MGMT: variants seen among roughly 807,000 people sequenced by gnomAD.
MGMT encodes O-6-methylguanine-DNA methyltransferase, also known as methylated-DNA--protein-cysteine methyltransferase.
A neutral mutation model predicts 15.9 loss-of-function variants in MGMT; 14 were observed. The ratio of observed to expected loss-of-function variants is 0.88; its 90% CI spans 0.58 to 1.37. MGMT has a LOEUF of 1.37. MGMT is among the 40% of genes most tolerant of loss of function. The pLI, the probability that MGMT is intolerant of heterozygous loss-of-function variation, is 0.00. For synonymous variants in MGMT, 130 were observed against 118.2 expected (o/e 1.10, Z -0.65); for missense variants, 282 against 268.1 (o/e 1.05, Z -0.36).
At chr10:129,709,952 C>G (rs538165774) in intron 3 of MGMT, among the ~76,000 whole-genome samples, 90 of 152,336 alleles carry the variant, frequency 5.9e-4, no homozygotes, top group African/African-American at 1.9e-3. Flanking sequence ...CAAACCACCC[C>G]TGCAAGCACT....
chr10:129,760,642 C>T (rs989283701), intron 4 of MGMT, among the ~76,000 whole-genome samples: 11 of 152,222 alleles, frequency 7.2e-5, no homozygotes, highest in Admixed American at 2.6e-4. Flanking sequence ...TAGGAGATGA[C>T]AGTTACGTAG....
intron 1 of MGMT, among the ~76,000 whole-genome samples, chr10:129,519,984 C>T (rs1339744135): frequency 2.0e-5 from 3 of 152,044 alleles, no homozygotes; most frequent in Non-Finnish European, 2.9e-5. Context: ...GCCTGGGCAA[C>T]ATAGCAAGAC....
At chr10:129,509,978 T>C (rs765095351) in intron 1 of MGMT, among the ~76,000 whole-genome samples, 1 of 152,042 alleles carries the variant, frequency 6.6e-6, no homozygotes, top group Non-Finnish European at 1.5e-5. Context: ...TAAGGCCAGA[T>C]TGGAGGTGGG....
intron 2 of MGMT, among the ~76,000 whole-genome samples, chr10:129,607,105 T>C (rs1846900610): frequency 2.6e-5 from 4 of 152,298 alleles, no homozygotes; most frequent in Admixed American, 2.0e-4. Flanking sequence ...GAGATGGCTT[T>C]GACTTTTGTT....
At chr10:129,669,919 T>C (rs1246884828) in intron 2 of MGMT, among the ~76,000 whole-genome samples, 1 of 152,232 alleles carries the variant, frequency 6.6e-6, no homozygotes, top group Non-Finnish European at 1.5e-5. Context: ...TACAAAGCTA[T>C]TTAATGTTTG....
At chr10:129,649,678 C>T (rs951818054) in intron 2 of MGMT, among the ~76,000 whole-genome samples, 10 of 152,064 alleles carry the variant, frequency 6.6e-5, no homozygotes, top group African/African-American at 2.4e-4. Context: ...CTACAGGGCC[C>T]AAAGTTATAA....
intron 2 of MGMT, among the ~76,000 whole-genome samples, chr10:129,702,535 T>A (rs892659): frequency 0.8 from 121,973 of 151,972 alleles, 49,199 homozygotes; most frequent in African/African-American, 0.89. Context: ...TGTCTCCTGC[T>A]GGGTTCAAGG....
intron 2 of MGMT, among the ~76,000 whole-genome samples, chr10:129,597,618 T>G (rs1483321069): frequency 6.6e-6 from 1 of 152,216 alleles, no homozygotes; most frequent in Non-Finnish European, 1.5e-5. Context: ...GTGACTTTGC[T>G]CTTCCCCTCT....
At chr10:129,551,901 G>A (rs765031315) in intron 2 of MGMT, among the ~76,000 whole-genome samples, 6 of 152,144 alleles carry the variant, frequency 3.9e-5, no homozygotes, top group Non-Finnish European at 8.8e-5. Context: ...CAGAAACCAC[G>A]CTGAGTACCA....
At chr10:129,677,245 G>T (rs1847796319) in intron 2 of MGMT, among the ~76,000 whole-genome samples, 1 of 151,736 alleles carries the variant, frequency 6.6e-6, no homozygotes, top group Non-Finnish European at 1.5e-5. Context: ...TTTTGCCTTT[G>T]TGATTTAAAT....
intron 2 of MGMT, among the ~76,000 whole-genome samples, chr10:129,553,271 TTGAAG>T (rs776257396): frequency 3.9e-5 from 6 of 152,210 alleles, no homozygotes; most frequent in Non-Finnish European, 7.3e-5. Context: ...TTACATTATG[TTGAAG>T]TGAAGTGAGA....
At chr10:129,512,820 G>C (rs531739367) in intron 1 of MGMT, among the ~76,000 whole-genome samples, 1 of 152,326 alleles carries the variant, frequency 6.6e-6, no homozygotes, top group South Asian at 2.1e-4. Context: ...AAATGGAGCA[G>C]CTGCTGTGGG....
intron 2 of MGMT, among the ~76,000 whole-genome samples, chr10:129,635,177 G>C (rs773843742): frequency 2.4e-4 from 37 of 152,216 alleles, no homozygotes; most frequent in Admixed American, 5.2e-4. Context: ...CATCCTCACA[G>C]ATAGCTCTTT....
chr10:129,561,979 C>T (rs80082361), intron 2 of MGMT, among the ~76,000 whole-genome samples: 1,984 of 152,186 alleles, frequency 0.013, 30 homozygotes, highest in Non-Finnish European at 0.02. Context: ...TATGGACCCT[C>T]GAACGAAATT....
intron 2 of MGMT, among the ~76,000 whole-genome samples, chr10:129,633,704 A>G (rs1847235992): frequency 6.6e-6 from 1 of 152,180 alleles, no homozygotes; most frequent in Non-Finnish European, 1.5e-5. Flanking sequence ...TGTAAAAGTC[A>G]CTCTTTGCTT....
intron 4 of MGMT, among the ~76,000 whole-genome samples, chr10:129,764,869 G>A (rs540065941): frequency 7.9e-5 from 12 of 152,326 alleles, no homozygotes; most frequent in South Asian, 2.1e-4. Flanking sequence ...TGCAGCATCC[G>A]TGTCTGGGCC....
At chr10:129,674,365 G>A (rs1847761018) in intron 2 of MGMT, among the ~76,000 whole-genome samples, 1 of 152,190 alleles carries the variant, frequency 6.6e-6, no homozygotes, top group Non-Finnish European at 1.5e-5. Flanking sequence ...CACGTTAGCG[G>A]TGGGAACTGG....
intron 2 of MGMT, among the ~76,000 whole-genome samples, chr10:129,538,672 G>A (rs908695674): frequency 6.6e-6 from 1 of 151,562 alleles, no homozygotes. Flanking sequence ...GGCTTGCTCT[G>A]TCACCTAGGC....
intron 1 of MGMT, among the ~76,000 whole-genome samples, chr10:129,479,730 G>A (rs745812674): frequency 2.2e-5 from 3 of 137,960 alleles, no homozygotes; most frequent in South Asian, 2.6e-4. Context: ...CCGTTCTCAC[G>A]TTTGTAGAAG....
Sources: allele counts gnomAD v4.1 joint callset (sites outside exome capture counted in the v4.1 genomes callset), GRCh38; gene constraint gnomAD v4.1.1; transcripts MANE v1.5; gene names NCBI Gene and HGNC (gene_info 2026-07-23, HGNC 2026-07-21).